Variants in TRDMT1 observed in about 807,000 individuals in gnomAD.
TRDMT1 encodes the protein tRNA (cytosine(38)-C(5))-methyltransferase.
A neutral mutation model predicts 51.2 loss-of-function variants in TRDMT1; 49 were observed. The observed-to-expected ratio is 0.96, with a 90% CI of 0.76 to 1.21. The LOEUF is 1.21. Ranked by LOEUF, TRDMT1 falls within the 50% of genes most tolerant of loss-of-function variation. TRDMT1 has a pLI of 0.00. For synonymous variants in TRDMT1, 187 were observed against 164.6 expected (o/e 1.14, Z -1.04); for missense variants, 534 against 462.3 (o/e 1.16, Z -1.42).
intron 1 of TRDMT1, among the ~76,000 whole-genome samples, chr10:17,185,986 G>A (rs970334904): frequency 1.3e-4 from 20 of 151,434 alleles, no homozygotes; most frequent in Non-Finnish European, 2.5e-4. Flanking sequence ...GCACACCAAC[G>A]GCACATGTAT....
chr10:17,161,173 A>C (rs1405802987), intron 5 of TRDMT1, among the ~76,000 whole-genome samples: 2 of 152,232 alleles, frequency 1.3e-5, no homozygotes, highest in Non-Finnish European at 2.9e-5. Flanking sequence ...TACTGAAAAC[A>C]TTTCTACTTC....
rs1564537780 is a variant in TRDMT1 at position 17,142,779 on chromosome 10, G to A, written c.*6261C>T. 5.8e-6 allele frequency: 1 copy of A among 172,022 alleles called. No homozygotes were observed. The highest frequency in any genetic ancestry group is 2.4e-5 in the African/African-American group (1 of 41,778). The allele number at this position is 172,022 out of a possible 1,614,324, so 10.7% of individuals were successfully genotyped here. Reference sequence around the variant, plus strand: ...GTAACCTTCCTCTGTTGGGTGAGGGGTCAGATGTCTTGGAACCATGTTGTT... The same window carrying A: ...GTAACCTTCCTCTGTTGGGTGAGGGATCAGATGTCTTGGAACCATGTTGTT... On this transcript the variant is annotated 3_prime_UTR_variant, in exon 11 of 11. Coordinates refer to ENST00000377799, the MANE Select transcript of TRDMT1 (RefSeq NM_004412.7).
intron 3 of TRDMT1, among the ~76,000 whole-genome samples, chr10:17,165,582 A>G (rs1340931231): frequency 6.6e-6 from 1 of 152,228 alleles, no homozygotes; most frequent in East Asian, 1.9e-4. Flanking sequence ...ATGAACAGGC[A>G]ACCTACAGAA....
At position 17,153,647 on chromosome 10, in the gene TRDMT1, A is replaced by G; in HGVS notation, c.946-11T>C. 1.3e-6 allele frequency: 2 copies of G among 1,554,336 alleles called. No homozygotes were observed. Among genetic ancestry groups the G allele is most frequent in the Non-Finnish European group, 1.7e-6 (2 of 1,152,852 alleles). On this transcript the variant is annotated splice_polypyrimidine_tract_variant and intron_variant, in intron 9 of 10. Transcript: ENST00000377799. ...GTAGATATTCTCAACCTGTAAGAAA[A>G]TACCCAAGATAACTAAAAAAGTAAT...
chr10:17,187,729 C>T (rs1026143156), intron 1 of TRDMT1, among the ~76,000 whole-genome samples: 1 of 152,146 alleles, frequency 6.6e-6, no homozygotes, highest in African/African-American at 2.4e-5. Flanking sequence ...GCAGAGGATA[C>T]AAGTTTTGGT....
intron 8 of TRDMT1, among the ~76,000 whole-genome samples, chr10:17,156,037 C>T (rs528779344): frequency 6.6e-6 from 1 of 152,190 alleles, no homozygotes; most frequent in South Asian, 2.1e-4. Flanking sequence ...AAACTCTTTC[C>T]CCTGAAGTAC....
chr10:17,152,682 C>A (rs993052463), intron 10 of TRDMT1, among the ~76,000 whole-genome samples: 6 of 152,310 alleles, frequency 3.9e-5, no homozygotes, highest in Admixed American at 3.9e-4. Flanking sequence ...ACAGCCTCCT[C>A]AGAGCTGAGA....
At chr10:17,191,407 C>T (rs1844661363) in intron 1 of TRDMT1, among the ~76,000 whole-genome samples, 1 of 152,166 alleles carries the variant, frequency 6.6e-6, no homozygotes, top group Admixed American at 6.5e-5. Context: ...TGTCCAGGGT[C>T]CCAGAAAAGT....
chr10:17,146,324 T>C lies in TRDMT1; in HGVS notation c.*2716A>G. 1.0e-6 allele frequency: 1 copy of C among 985,432 alleles called. No homozygotes were observed. The highest frequency in any genetic ancestry group is 1.2e-6 in the Non-Finnish European group (1 of 829,930). 61.0% of individuals were successfully genotyped at this position (985,432 alleles called of 1,614,324 possible). A position where few individuals can be genotyped will look rare whatever the true frequency, so the allele number is the denominator to read the frequency against. On this transcript the variant is annotated 3_prime_UTR_variant, in exon 11 of 11. Transcript: ENST00000377799. ...CTTTCCAGACATAGGGCAGTGCCCA[T>C]GGTGAAGGTCTGATTTCACAGACAG...
chr10:17,177,185 T>C (rs988110041), intron 1 of TRDMT1, among the ~76,000 whole-genome samples: 1 of 139,014 alleles, frequency 7.2e-6, no homozygotes, highest in African/African-American at 2.7e-5. Flanking sequence ...ATTTATTTTA[T>C]TTATTTATTT....
chr10:17,184,175 G>A (rs547527129), intron 1 of TRDMT1, among the ~76,000 whole-genome samples: 1 of 152,212 alleles, frequency 6.6e-6, no homozygotes, highest in Admixed American at 6.5e-5. Context: ...GTCAATTACA[G>A]GTGTGAACAA....
chr10:17,168,783 T>C, intron 3 of TRDMT1, 58 bp downstream of exon 3: 1 of 1,263,178 alleles, frequency 7.9e-7, no homozygotes, highest in Non-Finnish European at 1.1e-6. Context: ...CTCAGGTATG[T>C]CTTTATCAGC....
In TRDMT1 at chr10:17,159,336, T is replaced by A. The variant is rs149218273; in HGVS notation, c.460-107A>T. 38 of 676,912 alleles carry A rather than the reference T, an allele frequency of 5.6e-5. 1 individual carries two copies. The Middle Eastern group carries it at 8.0e-4, about 14-fold the overall frequency. The allele number at this position is 676,912 out of a possible 1,614,324, so 41.9% of individuals were successfully genotyped here. A position where few individuals can be genotyped will look rare whatever the true frequency, so the allele number is the denominator to read the frequency against. Reference sequence around the variant, plus strand: ...AACAAAAAACTCAAACGAGCCTACATTTAGCTTCTACCACAGCAAAATTTG... The same window carrying A: ...AACAAAAAACTCAAACGAGCCTACAATTAGCTTCTACCACAGCAAAATTTG... On this transcript the variant is annotated intron_variant, in intron 6 of 10. Transcript: ENST00000377799.
At chr10:17,172,219 A>G (rs1842124456) in intron 2 of TRDMT1, among the ~76,000 whole-genome samples, 1 of 152,240 alleles carries the variant, frequency 6.6e-6, no homozygotes, top group African/African-American at 2.4e-5. Flanking sequence ...ATGTAGACAA[A>G]GAAAGACACA....
In TRDMT1 at chr10:17,151,128, A is replaced by T. The variant is rs12268361; in HGVS notation, c.1076-1988T>A. ...CATCTGTGCATATTTCTTTAAATCT[A>T]AACTATTAGGTTGGCACAAAAGTAA... On this transcript the variant is annotated intron_variant, in intron 10 of 10. Transcript: ENST00000377799. 153 of 756,488 alleles carry T rather than the reference A, an allele frequency of 2.0e-4. No homozygotes were observed. In the African/African-American group the frequency reaches 2.9e-3, roughly 14 times the overall value. The allele number at this position is 756,488 out of a possible 1,614,324, so 46.9% of individuals were successfully genotyped here.
chr10:17,143,998 G>A lies in TRDMT1; in HGVS notation c.*5042C>T, dbSNP rs982097863. 7 of 985,286 alleles carry A rather than the reference G, an allele frequency of 7.1e-6. No homozygotes were observed. The highest frequency in any genetic ancestry group is 3.5e-5 in the African/African-American group (2 of 57,216). 61.0% of individuals were successfully genotyped at this position (985,286 alleles called of 1,614,324 possible). A position where few individuals can be genotyped will look rare whatever the true frequency, so the allele number is the denominator to read the frequency against. On this transcript the variant is annotated 3_prime_UTR_variant, in exon 11 of 11. Transcript: ENST00000377799. Reference sequence around the variant, plus strand: ...CATGAAGATTCTAGAATAGGACTTAGGAAAACAGCAGATTTAGAGTCATCT... The same window carrying A: ...CATGAAGATTCTAGAATAGGACTTAAGAAAACAGCAGATTTAGAGTCATCT...
intron 1 of TRDMT1, among the ~76,000 whole-genome samples, chr10:17,182,012 G>A (rs757025464): frequency 1.7e-4 from 26 of 152,302 alleles, no homozygotes; most frequent in East Asian, 3.9e-4. Flanking sequence ...GCCTGAGCCA[G>A]TAAGACTAGC....
At chr10:17,161,219 G>C (rs1280475802) in intron 5 of TRDMT1, among the ~76,000 whole-genome samples, 1 of 152,118 alleles carries the variant, frequency 6.6e-6, no homozygotes, top group East Asian at 1.9e-4. Flanking sequence ...GACTAAAACT[G>C]AGAAATGCCA....
chr10:17,167,439 A>C (rs1841366339), intron 3 of TRDMT1, among the ~76,000 whole-genome samples: 1 of 152,196 alleles, frequency 6.6e-6, no homozygotes, highest in Non-Finnish European at 1.5e-5. Flanking sequence ...TTGTAACAGC[A>C]ATGGCTACCC....
Sources: gnomAD v4.1 joint callset for allele counts (sites outside exome capture counted in the v4.1 genomes callset) on GRCh38, gnomAD v4.1.1 for gene constraint, MANE v1.5 for transcripts, NCBI Gene and HGNC (gene_info 2026-07-23, HGNC 2026-07-21) for gene names.